Variants in KAT2B observed in about 807,000 individuals in gnomAD.
The protein encoded by KAT2B is lysine acetyltransferase 2B, also known as histone acetyltransferase KAT2B.
A neutral mutation model predicts 105.9 loss-of-function variants in KAT2B; 36 were observed. The observed-to-expected ratio is 0.34, with a 90% CI of 0.26 to 0.45. KAT2B has a LOEUF of 0.45. Ranked by LOEUF, KAT2B falls within the 20% of genes least tolerant of loss-of-function variation. KAT2B has a pLI of 1.00. For missense variants in KAT2B, 820 were observed against 1,021.6 expected (o/e 0.80, Z 2.69); for synonymous variants, 397 against 377.9 (o/e 1.05, Z -0.59).
At position 20,127,426 on chromosome 3, in the gene KAT2B, A is replaced by T; in HGVS notation, c.1626A>T (p.Lys542Asn). The T allele has an allele frequency of 6.2e-7, 1 of 1,612,758 alleles. No individual in the cohort carries two copies. The highest frequency in any genetic ancestry group is 8.5e-7 in the Non-Finnish European group (1 of 1,178,850). Residue 542 changes from lysine to asparagine, a missense_variant, in exon 11 of 18, where the codon AAA becomes AAT. Around this residue, in one of 6 missense-constraint regions of KAT2B, gnomAD observed 225 missense variants for 268.1 expected, o/e 0.84. Coordinates refer to ENST00000263754, the MANE Select transcript of KAT2B (RefSeq NM_003884.5). ...TGACATAATCTTATTCTTTCAGGAA[A>T]CACAAAACCCTTGCTTTAATTAAAG... ...EYITRLVFDP[K>N]HKTLALIKDG...
At chr3:20,105,404 GTAAT>G (rs1271846445) in intron 5 of KAT2B, among the ~76,000 whole-genome samples, 2 of 152,216 alleles carry the variant, frequency 1.3e-5, no homozygotes, top group African/African-American at 4.8e-5. Flanking sequence ...GAAAGTGCAA[GTAAT>G]TAGTCTTAGA....
intron 1 of KAT2B, among the ~76,000 whole-genome samples, chr3:20,063,152 C>G (rs1365941885): frequency 1.3e-5 from 2 of 151,990 alleles, no homozygotes; most frequent in East Asian, 1.9e-4. Context: ...ATTGCTGCCT[C>G]GAATTCCTAG....
intron 2 of KAT2B, among the ~76,000 whole-genome samples, chr3:20,073,691 C>G (rs184439541): frequency 3.3e-5 from 5 of 151,654 alleles, no homozygotes; most frequent in Non-Finnish European, 7.4e-5. Flanking sequence ...AGAGAACTGT[C>G]CTTGATTATA....
In KAT2B at chr3:20,111,576, C is replaced by T. The variant is rs905907852; in HGVS notation, c.852-20C>T. 3.1e-6 allele frequency: 5 copies of T among 1,593,516 alleles called. No individual in the cohort carries two copies. In the Admixed American group the frequency reaches 8.7e-5, roughly 28 times the overall value. Reference sequence around the variant, plus strand: ...GGGGGTTTATGGGATATTGATGGTGCTTGACTTCTCTTGTCACAGGTGGCT... The same window carrying T: ...GGGGGTTTATGGGATATTGATGGTGTTTGACTTCTCTTGTCACAGGTGGCT... On this transcript the variant is annotated intron_variant, in intron 5 of 17. Transcript: ENST00000263754.
intron 1 of KAT2B, among the ~76,000 whole-genome samples, chr3:20,068,872 C>G (rs1454639844): frequency 1.3e-5 from 2 of 152,094 alleles, no homozygotes; most frequent in Non-Finnish European, 2.9e-5. Context: ...AACTTAAGGT[C>G]CTTTGGGAAA....
At chr3:20,089,461 C>A (rs528579199) in intron 2 of KAT2B, among the ~76,000 whole-genome samples, 1 of 148,326 alleles carries the variant, frequency 6.7e-6, no homozygotes, top group Non-Finnish European at 1.5e-5. Flanking sequence ...AGTGCAATGG[C>A]GCAATCTCAG....
chr3:20,101,147 T>C lies in KAT2B; in HGVS notation c.670-140T>C, dbSNP rs1416179012. 5 of 659,238 alleles carry C rather than the reference T, an allele frequency of 7.6e-6. No homozygotes were observed. In the Admixed American group the frequency reaches 8.7e-5, roughly 11 times the overall value. The allele number at this position is 659,238 out of a possible 1,614,324, so 40.8% of individuals were successfully genotyped here. A position where few individuals can be genotyped will look rare whatever the true frequency, so the allele number is the denominator to read the frequency against. Reference sequence around the variant, plus strand: ...CCCTCTGGGGATTGCTATTTTCTTTTAGGGAAAAGGAAGAGATTTTTGTGA... The same window carrying C: ...CCCTCTGGGGATTGCTATTTTCTTTCAGGGAAAAGGAAGAGATTTTTGTGA... On this transcript the variant is annotated intron_variant, in intron 4 of 17. Coordinates refer to ENST00000263754, the MANE Select transcript of KAT2B (RefSeq NM_003884.5).
At chr3:20,126,490 G>T (rs1481234355) in intron 10 of KAT2B, among the ~76,000 whole-genome samples, 1 of 150,910 alleles carries the variant, frequency 6.6e-6, no homozygotes, top group African/African-American at 2.4e-5. Context: ...TGGGATATAA[G>T]ACAGGTTAAC....
intron 3 of KAT2B, among the ~76,000 whole-genome samples, chr3:20,097,573 G>A (rs1698832987): frequency 6.6e-6 from 1 of 152,084 alleles, no homozygotes; most frequent in Non-Finnish European, 1.5e-5. Flanking sequence ...ATCTTACTCT[G>A]TCATCCAGGC....
intron 2 of KAT2B, among the ~76,000 whole-genome samples, chr3:20,078,293 A>G (rs768202883): frequency 1.1e-4 from 17 of 152,362 alleles, no homozygotes; most frequent in Non-Finnish European, 1.9e-4. Flanking sequence ...GTTATTTTGG[A>G]GTCCATTGTT....
chr3:20,153,931 CTAT>C lies in KAT2B; in HGVS notation c.*1408_*1410del, dbSNP rs1224660867. 1 of 152,496 alleles carries C rather than the reference CTAT, an allele frequency of 6.6e-6. No individual in the cohort carries two copies. Among genetic ancestry groups the C allele is most frequent in the East Asian group, 1.9e-4 (1 of 5,182 alleles). 9.4% of individuals were successfully genotyped at this position (152,496 alleles called of 1,614,324 possible). ...GAAGGAAAAAGAACCCTGCAAATGG[CTAT>C]TGAGTTGGAAGTATTGTTTTTGATA... is the stretch of plus-strand genomic sequence containing the variant. On this transcript the variant is annotated 3_prime_UTR_variant, in exon 18 of 18. Coordinates refer to ENST00000263754, the MANE Select transcript of KAT2B (RefSeq NM_003884.5).
intron 13 of KAT2B, among the ~76,000 whole-genome samples, chr3:20,142,367 A>T (rs1699708813): frequency 6.6e-6 from 1 of 152,210 alleles, no homozygotes. Flanking sequence ...AGTCACTTCA[A>T]TAAAAATATA....
chr3:20,107,179 C>G (rs1349771192), intron 5 of KAT2B, among the ~76,000 whole-genome samples: 1 of 147,722 alleles, frequency 6.8e-6, no homozygotes, highest in Non-Finnish European at 1.5e-5. Flanking sequence ...TACAGGCATG[C>G]GCCACCACAG....
intron 7 of KAT2B, among the ~76,000 whole-genome samples, chr3:20,117,304 T>C (rs1699223221): frequency 6.6e-6 from 1 of 152,228 alleles, no homozygotes; most frequent in Non-Finnish European, 1.5e-5. Context: ...AGAAGTGGGC[T>C]GTCTTCTCTT....
At chr3:20,128,701 C>T (rs1025270180) in intron 11 of KAT2B, among the ~76,000 whole-genome samples, 23 of 152,214 alleles carry the variant, frequency 1.5e-4, no homozygotes, top group African/African-American at 5.3e-4. Context: ...AACCAGAAAA[C>T]ATGTCCTTAG....
chr3:20,107,328 G>C (rs1699038617), intron 5 of KAT2B, among the ~76,000 whole-genome samples: 1 of 150,464 alleles, frequency 6.6e-6, no homozygotes, highest in Non-Finnish European at 1.5e-5. Context: ...ACCAGACCTG[G>C]CCAATAATAT....
At position 20,143,238 on chromosome 3, in the gene KAT2B, G is replaced by T. The variant is rs576852289; in HGVS notation, c.2004+2874G>T. On this transcript the variant is annotated intron_variant, in intron 13 of 17. Transcript: ENST00000263754. ...GCATTGATTTTATCGTCATGGTAGG[G>T]AGTTGAAGATATTTTCTAGGGAGGT... Among the ~76,000 whole-genome samples the T allele has an allele frequency of 3.3e-5, 5 of 152,272 alleles. No homozygotes were observed. The South Asian group carries it at 1.0e-3, about 32-fold the overall frequency.
At chr3:20,094,379 C>A (rs1698773424) in intron 2 of KAT2B, among the ~76,000 whole-genome samples, 1 of 152,130 alleles carries the variant, frequency 6.6e-6, no homozygotes, top group Non-Finnish European at 1.5e-5. Context: ...CACTTCCCAG[C>A]AGGTCCCTCC....
chr3:20,095,225 T>A (rs767947876), intron 2 of KAT2B, 38 bp from the exon 3 acceptor site: 1 of 1,570,404 alleles, frequency 6.4e-7, no homozygotes, highest in Non-Finnish European at 8.7e-7. Context: ...TGGTTTCCAA[T>A]TGAGGTCTTA....
Sources: allele counts gnomAD v4.1 joint callset (sites outside exome capture counted in the v4.1 genomes callset), GRCh38; gene constraint gnomAD v4.1.1; regional missense constraint gnomAD v4.1.1; transcripts MANE v1.5; gene names NCBI Gene and HGNC (gene_info 2026-07-23, HGNC 2026-07-21).